The following RAB10 variants were observed in gnomAD, a reference collection of about 807,000 sequenced individuals.
RAB10 encodes the protein ras-related protein Rab-10.
In RAB10, 5 loss-of-function variants were observed where a neutral mutation model predicts 25.7. The observed-to-expected ratio is 0.19, with a 90% CI of 0.10 to 0.41. RAB10 has a LOEUF of 0.41. Among genes scored for constraint, RAB10 ranks in the 10% least tolerant of loss-of-function variants. RAB10 has a pLI of 1.00. For synonymous variants in RAB10, 89 were observed against 86.4 expected, an observed-to-expected ratio of 1.03 and a Z score of -0.16; for missense variants, 103 against 245.8, an observed-to-expected ratio of 0.42 and a Z score of 3.89.
chr2:26,098,917 C>T (rs1417779527), intron 2 of RAB10, among the ~76,000 whole-genome samples, 195 bp downstream of exon 2: 1 of 152,036 alleles, frequency 6.6e-6, no homozygotes, highest in African/African-American at 2.4e-5. Context: ...TTCTACTTAC[C>T]GTGTGAACTG....
At chr2:26,060,926 A>G (rs188862430) in intron 1 of RAB10, among the ~76,000 whole-genome samples, 14 of 152,240 alleles carry the variant, frequency 9.2e-5, no homozygotes, top group African/African-American at 3.1e-4. Flanking sequence ...TTGTTGAAAA[A>G]TAGCTTCTAG....
intron 2 of RAB10, among the ~76,000 whole-genome samples, chr2:26,108,396 C>T (rs541427116): frequency 6.6e-6 from 1 of 152,158 alleles, no homozygotes; most frequent in Admixed American, 6.5e-5. Context: ...GTGTTAAATG[C>T]CGATTTCAAA....
intron 1 of RAB10, among the ~76,000 whole-genome samples, chr2:26,077,622 A>G (rs963881987): frequency 6.6e-6 from 1 of 152,120 alleles, no homozygotes; most frequent in Non-Finnish European, 1.5e-5. Flanking sequence ...TTAATTTGTA[A>G]TACAATTTTA....
chr2:26,060,918 G>C (rs940960103), intron 1 of RAB10, among the ~76,000 whole-genome samples: 2 of 151,846 alleles, frequency 1.3e-5, no homozygotes, highest in Non-Finnish European at 2.9e-5. Flanking sequence ...AAAAAACTTT[G>C]TTGAAAAATA....
At chr2:26,126,241 A>C (rs1267196053) in intron 3 of RAB10, among the ~76,000 whole-genome samples, 1 of 152,024 alleles carries the variant, frequency 6.6e-6, no homozygotes, top group Non-Finnish European at 1.5e-5. Flanking sequence ...CCAGTTCCAC[A>C]CTTTTTGATT....
intron 2 of RAB10, among the ~76,000 whole-genome samples, chr2:26,106,321 A>G (rs916721581): frequency 1.3e-5 from 2 of 152,230 alleles, no homozygotes; most frequent in Non-Finnish European, 2.9e-5. Context: ...GAATCAATCT[A>G]TCTGGTTGTA....
At chr2:26,101,106 G>A (rs1056002611) in intron 2 of RAB10, among the ~76,000 whole-genome samples, 1 of 152,170 alleles carries the variant, frequency 6.6e-6, no homozygotes, top group Non-Finnish European at 1.5e-5. Context: ...AAGTCATTTA[G>A]TCAATAAATG....
At chr2:26,038,074 C>CG (rs1300679736) in intron 1 of RAB10, among the ~76,000 whole-genome samples, 1 of 151,126 alleles carries the variant, frequency 6.6e-6, no homozygotes, top group African/African-American at 2.4e-5. Context: ...TTAATAGAGA[C>CG]GGGGTTTCAC....
At chr2:26,108,933 A>G (rs1208711448) in intron 2 of RAB10, among the ~76,000 whole-genome samples, 1 of 150,332 alleles carries the variant, frequency 6.7e-6, no homozygotes, top group Non-Finnish European at 1.5e-5. Context: ...TTATTTTGAG[A>G]CGGAGTCTCG....
At chr2:26,122,357 G>C (rs570249401) in intron 3 of RAB10, among the ~76,000 whole-genome samples, 1 of 152,140 alleles carries the variant, frequency 6.6e-6, no homozygotes, top group Non-Finnish European at 1.5e-5. Flanking sequence ...GGCTGGGCGC[G>C]GTGGCTCACG....
chr2:26,134,805 A>C, intron 5 of RAB10, 133 bp from the exon 6 acceptor site: 1 of 624,604 alleles, frequency 1.6e-6, no homozygotes, highest in South Asian at 2.8e-5. Flanking sequence ...CTTTGCACGG[A>C]GGGGAAACCT....
chr2:26,130,875 A>G lies in RAB10; in HGVS notation c.519+2924A>G, dbSNP rs150861475. 7.2e-5 allele frequency among the ~76,000 whole-genome samples: 11 copies of G among 152,300 alleles called. No homozygotes were observed. The East Asian group carries it at 2.1e-3, about 29-fold the overall frequency. ...AAACATTATCCAGTATTCACAATCG[A>G]GTTAAAGACCAGGATAAGACTGGCA... is the stretch of plus-strand genomic sequence containing the variant. On this transcript the variant is annotated intron_variant, in intron 5 of 5. Coordinates refer to ENST00000264710, the MANE Select transcript of RAB10 (RefSeq NM_016131.5).
chr2:26,099,680 A>G (rs1378186409), intron 2 of RAB10, among the ~76,000 whole-genome samples: 2 of 151,476 alleles, frequency 1.3e-5, no homozygotes, highest in African/African-American at 4.8e-5. Flanking sequence ...AGCTGGGACT[A>G]TAGGTGCCCG....
intron 1 of RAB10, among the ~76,000 whole-genome samples, chr2:26,094,891 A>G (rs1408015317): frequency 6.6e-6 from 1 of 152,154 alleles, no homozygotes; most frequent in East Asian, 1.9e-4. Context: ...TTAAGTAATT[A>G]TTGCATTTGA....
intron 1 of RAB10, among the ~76,000 whole-genome samples, chr2:26,048,437 G>A (rs1418879841): frequency 1.3e-5 from 2 of 151,994 alleles, no homozygotes; most frequent in African/African-American, 4.8e-5. Flanking sequence ...ATCTCATTGT[G>A]GTTTTTAATT....
At chr2:26,086,131 A>G (rs1375544975) in intron 1 of RAB10, among the ~76,000 whole-genome samples, 1 of 151,992 alleles carries the variant, frequency 6.6e-6, no homozygotes, top group African/African-American at 2.4e-5. Flanking sequence ...CCTGTCCAAC[A>G]TGACAAAACC....
intron 1 of RAB10, among the ~76,000 whole-genome samples, chr2:26,079,462 C>T (rs1306486007): frequency 2.0e-5 from 3 of 151,878 alleles, no homozygotes; most frequent in Non-Finnish European, 4.4e-5. Context: ...CTAGAATGAA[C>T]TGTGGTATTG....
At chr2:26,086,226 C>T (rs550140979) in intron 1 of RAB10, among the ~76,000 whole-genome samples, 8 of 151,968 alleles carry the variant, frequency 5.3e-5, no homozygotes, top group Admixed American at 1.3e-4. Flanking sequence ...GCTGAGGCTG[C>T]GGTGAGCTGA....
At chr2:26,070,804 A>C (rs1666607962) in intron 1 of RAB10, among the ~76,000 whole-genome samples, 1 of 152,186 alleles carries the variant, frequency 6.6e-6, no homozygotes, top group African/African-American at 2.4e-5. Context: ...TGGCATGTAA[A>C]TTCTCACCAA....
Sources: allele counts gnomAD v4.1 joint callset (sites outside exome capture counted in the v4.1 genomes callset), GRCh38; gene constraint gnomAD v4.1.1; transcripts MANE v1.5; gene names NCBI Gene and HGNC (gene_info 2026-07-23, HGNC 2026-07-21).